The following ANO1 variants were observed in gnomAD, a reference collection of about 807,000 sequenced individuals.
The protein encoded by ANO1 is anoctamin-1.
In ANO1, 59 loss-of-function variants were observed where a neutral mutation model predicts 124.0. That is an observed-to-expected ratio of 0.48 (90% CI 0.39 to 0.59). The LOEUF (loss-of-function observed/expected upper bound fraction) is 0.59, where lower values mean the gene tolerates loss of function less well. Among genes scored for constraint, ANO1 ranks in the 20% least tolerant of loss-of-function variants. ANO1 has a pLI of 0.00. For missense variants in ANO1, 1,059 were observed against 1,328.0 expected, an observed-to-expected ratio of 0.80 and a Z score of 3.15; for synonymous variants, 529 against 532.0, an observed-to-expected ratio of 0.99 and a Z score of 0.08.
upstream of ANO1, among the ~76,000 whole-genome samples, chr11:70,077,611 C>T (rs10897964): frequency 0.14 from 21,280 of 152,196 alleles, 1,654 homozygotes; most frequent in African/African-American, 0.19. Context: ...GCAGGACAGC[C>T]TTGCCCAGCA....
chr11:69,976,530 AAAAAAAAAAAAAAAAAAAAAAAAAG>A, the ANO1 span, among the ~76,000 whole-genome samples: 2 of 22,482 alleles, frequency 8.9e-5, no homozygotes, highest in Non-Finnish European at 1.7e-4. Flanking sequence ...AAAAAAAAAA[AAAAAAAAAAAAAAAAAAAAAAAAAG>A]AGAGAGAGAG....
chr11:69,998,061 T>C (rs1185414431), intron 1 of ANO1, among the ~76,000 whole-genome samples: 1 of 152,196 alleles, frequency 6.6e-6, no homozygotes, highest in African/African-American at 2.4e-5. Flanking sequence ...GGCTTAAAAG[T>C]CACCTGGACA....
chr11:70,172,541 T>G (rs1440950747), intron 22 of ANO1, among the ~76,000 whole-genome samples: 1 of 152,150 alleles, frequency 6.6e-6, no homozygotes, highest in Non-Finnish European at 1.5e-5. Context: ...TAGCTTTGGG[T>G]TGAGCTTTTG....
At chr11:69,972,078 T>C in the ANO1 span, among the ~76,000 whole-genome samples, 2 of 143,486 alleles carry the variant, frequency 1.4e-5, no homozygotes, top group African/African-American at 5.2e-5. Flanking sequence ...AATAAATAAA[T>C]AATACAAAAA....
chr11:70,087,937 C>A lies in ANO1; in HGVS notation c.294C>A (p.Asp98Glu), dbSNP rs1044365055. 6.2e-7 allele frequency: 1 copy of A among 1,603,270 alleles called. No individual in the cohort carries two copies. ...CTGGGGCTCGCAGCGTCAAGCAGGA[C>A]CACCCCCTGCCGGGCAAGGGGGCGT... Reference protein sequence around the residue: ...TPSGARSVKQDHPLPGKGASL... With the variant: ...TPSGARSVKQEHPLPGKGASL... Residue 98 changes from aspartate (D) to glutamate (E), a missense_variant, in exon 2 of 26, where the codon GAC (aspartate) becomes GAA (glutamate). By Grantham distance (45) the Asp-to-Glu change is conservative (BLOSUM62 2). Transcript: ENST00000355303.
chr11:70,145,648 G>T (rs1049080996), intron 11 of ANO1, among the ~76,000 whole-genome samples: 1 of 151,994 alleles, frequency 6.6e-6, no homozygotes, highest in South Asian at 2.1e-4. Flanking sequence ...AGAATACCAC[G>T]GTTCAATGCC....
chr11:69,973,742 C>T, the ANO1 span, among the ~76,000 whole-genome samples: 3 of 151,062 alleles, frequency 2.0e-5, no homozygotes, highest in Admixed American at 6.6e-5. Context: ...CGTGGTGGTG[C>T]GTGCCTGTAA....
chr11:70,090,595 G>A (rs1017802280), intron 2 of ANO1, among the ~76,000 whole-genome samples: 1 of 152,132 alleles, frequency 6.6e-6, no homozygotes, highest in African/African-American at 2.4e-5. Context: ...ATATATTATT[G>A]TTCATACTGA....
At chr11:70,168,418 C>T (rs1478583187) in intron 21 of ANO1, among the ~76,000 whole-genome samples, 1 of 152,128 alleles carries the variant, frequency 6.6e-6, no homozygotes, top group Non-Finnish European at 1.5e-5. Context: ...GGCCACGACC[C>T]CCACCCCTCC....
chr11:70,085,948 G>A (rs1453677789), intron 1 of ANO1, among the ~76,000 whole-genome samples: 2 of 152,244 alleles, frequency 1.3e-5, no homozygotes, highest in African/African-American at 4.8e-5. Context: ...GGGGCTCCAG[G>A]CGACCACGTG....
At chr11:70,080,821 C>A (rs976553363) in intron 1 of ANO1, among the ~76,000 whole-genome samples, 4 of 152,200 alleles carry the variant, frequency 2.6e-5, no homozygotes, top group Admixed American at 2.6e-4. Context: ...CAGCATCTGC[C>A]GGTAGATGGC....
At chr11:70,171,385 A>ACC (rs5792512) in intron 22 of ANO1, among the ~76,000 whole-genome samples, 22 of 151,832 alleles carry the variant, frequency 1.4e-4, no homozygotes, top group South Asian at 2.1e-4. Context: ...CAATTGTGTG[A>ACC]CCCCCAGAGC....
the ANO1 span, among the ~76,000 whole-genome samples, chr11:69,968,587 ATTG>A: frequency 1.3e-4 from 20 of 152,328 alleles, no homozygotes; most frequent in African/African-American, 4.8e-4. Flanking sequence ...CTGAACTGAG[ATTG>A]TTCGAGGACC....
upstream of ANO1, among the ~76,000 whole-genome samples, chr11:70,076,015 T>C (rs1456802647): frequency 2.6e-5 from 4 of 152,224 alleles, no homozygotes; most frequent in Non-Finnish European, 5.9e-5. Context: ...GAGGCAGAAC[T>C]GGTCCTCTCT....
At position 70,049,912 on chromosome 11, in the gene ANO1, G is replaced by T. The variant is rs1198746708; in HGVS notation, c.59-28630G>T. ...ATTTTTGTATTTTTAGTAGAGACAG[G>T]GTTTCACCATGTTGGTCAGGCTGGT... On this transcript the variant is annotated intron_variant, in intron 1 of 27. Coordinates refer to the ANO1 transcript ENST00000531349. Among the ~76,000 whole-genome samples the T allele has an allele frequency of 3.3e-5, 5 of 152,252 alleles. No homozygotes were observed. The East Asian group carries it at 9.7e-4, about 29-fold the overall frequency.
At chr11:70,117,034 G>C (rs1199058146) in intron 8 of ANO1, among the ~76,000 whole-genome samples, 2 of 151,282 alleles carry the variant, frequency 1.3e-5, no homozygotes, top group Non-Finnish European at 2.9e-5. Flanking sequence ...TGTTGAGCTA[G>C]TGTTCTAGGG....
intron 1 of ANO1, among the ~76,000 whole-genome samples, chr11:70,050,613 C>T (rs1555006198): frequency 6.6e-6 from 1 of 152,196 alleles, no homozygotes; most frequent in East Asian, 1.9e-4. Context: ...CTGCGCTGCC[C>T]TCAAGCTTTT....
Position 70,108,378 on chromosome 11 carries a change from C to T in ANO1, c.773C>T (p.Thr258Met), listed in dbSNP as rs747968568. Residue 258 changes from threonine (T) to methionine (M), a missense_variant, in exon 6 of 26, where the codon ACG becomes ATG. Transcript: ENST00000355303. ...GTCTATGAGATCTTGAAGAGAACGA[C>T]GTGTACAAAGGCCAAGTACAGCATG... ...TIVYEILKRT[T>M]CTKAKYSMGI... The T allele has an allele frequency of 6.2e-6, 10 of 1,612,496 alleles. No homozygotes were observed. The highest frequency in any genetic ancestry group is 4.5e-5 in the East Asian group (2 of 44,854).
At position 70,143,060 on chromosome 11, in the gene ANO1, C is replaced by T. The variant is rs577060500; in HGVS notation, c.1259-6650C>T. Among the ~76,000 whole-genome samples, 24 of 152,334 alleles carry T rather than the reference C, an allele frequency of 1.6e-4. No homozygotes were observed. In the South Asian group the frequency reaches 5.0e-3, roughly 32 times the overall value. Reference sequence around the variant, plus strand: ...AGAAGGGAAATGGATAGGGACCCCACATGCACAGTCCAAGCAGGATGCACC... The same window carrying T: ...AGAAGGGAAATGGATAGGGACCCCATATGCACAGTCCAAGCAGGATGCACC... On this transcript the variant is annotated intron_variant, in intron 11 of 25. Coordinates refer to ENST00000355303, the MANE Select transcript of ANO1 (RefSeq NM_018043.7).
Sources: allele counts gnomAD v4.1 joint callset (sites outside exome capture counted in the v4.1 genomes callset), GRCh38; gene constraint gnomAD v4.1.1; transcripts MANE v1.5; gene names NCBI Gene and HGNC (gene_info 2026-07-23, HGNC 2026-07-21).